PRKCG: variants seen among roughly 807,000 people sequenced by gnomAD.
PRKCG encodes the protein protein kinase C gamma, also known as protein kinase C gamma type.
In PRKCG, 28 loss-of-function variants were observed where a neutral mutation model predicts 82.0. The observed-to-expected ratio is 0.34, with a 90% CI of 0.25 to 0.47. The LOEUF is 0.47. Ranked by LOEUF, PRKCG falls within the 20% of genes least tolerant of loss-of-function variation. PRKCG has a pLI of 1.00. For synonymous variants in PRKCG, 383 were observed against 376.6 expected (o/e 1.02, Z -0.20); for missense variants, 640 against 952.7 (o/e 0.67, Z 4.32).
At position 53,904,618 on chromosome 19, in the gene PRKCG, C is replaced by T. The variant is rs1313990680; in HGVS notation, c.1657-17C>T. On this transcript the variant is annotated splice_polypyrimidine_tract_variant and intron_variant, in intron 15 of 17. Coordinates refer to ENST00000263431, the MANE Select transcript of PRKCG (RefSeq NM_002739.5). Reference sequence around the variant, plus strand: ...GTTGGGCATGTCCCTGACTCTCTATCCCCTCCACTTTGATAGCCTCCCTTC... The same window carrying T: ...GTTGGGCATGTCCCTGACTCTCTATTCCCTCCACTTTGATAGCCTCCCTTC... The T allele has an allele frequency of 6.2e-7, 1 of 1,607,022 alleles. No individual in the cohort carries two copies.
At chr19:53,902,621 G>A (rs1266200411) in intron 14 of PRKCG, among the ~76,000 whole-genome samples, 10 of 151,586 alleles carry the variant, frequency 6.6e-5, no homozygotes, top group East Asian at 2.0e-4. Context: ...GAGGCTGGGC[G>A]TGGTGGCTCA....
Position 53,892,444 on chromosome 19 carries a change from A to G in PRKCG, c.687-65A>G. ...GGGTTTGCCCCCACCTCCAGCACCA[A>G]GGATGGGGAACCGAGGGGAGCCATG... On this transcript the variant is annotated intron_variant, in intron 6 of 17. Coordinates refer to ENST00000263431, the MANE Select transcript of PRKCG (RefSeq NM_002739.5). This position sits in a 1 kb window ranked among gnomAD's most constrained non-coding sequence, Gnocchi z 5.9. 2 of 1,576,032 alleles carry G rather than the reference A, an allele frequency of 1.3e-6. No individual in the cohort carries two copies. Among genetic ancestry groups the G allele is most frequent in the Non-Finnish European group, 8.6e-7 (1 of 1,166,542 alleles).
chr19:53,883,568 T>C lies in PRKCG; in HGVS notation c.202+374T>C, dbSNP rs1453459543. Among the ~76,000 whole-genome samples, 1 of 148,082 alleles carries C rather than the reference T, an allele frequency of 6.8e-6. No individual in the cohort carries two copies. The highest frequency in any genetic ancestry group is 1.5e-5 in the Non-Finnish European group (1 of 67,188). On this transcript the variant is annotated intron_variant, in intron 2 of 17. Transcript: ENST00000263431. The surrounding 1 kb of genome is among the most constrained non-coding windows in gnomAD (Gnocchi z 5.4). ...GTCGCCATGACAACACCAGCCGTCCTAGGCAGGGGCAGGCCGGGTGGGGTC... is the reference window on the plus strand; with the variant it reads ...GTCGCCATGACAACACCAGCCGTCCCAGGCAGGGGCAGGCCGGGTGGGGTC...
rs906251792 is a variant in PRKCG, at chr19:53,890,141, G to A, written c.529+124G>A. ...GGGCCACGCCTCTTTCTATGGTCACGCCCACACTCCTGACCCCACCCCAAA... is the reference window on the plus strand; with the variant it reads ...GGGCCACGCCTCTTTCTATGGTCACACCCACACTCCTGACCCCACCCCAAA... On this transcript the variant is annotated intron_variant, in intron 5 of 17. Coordinates refer to ENST00000263431, the MANE Select transcript of PRKCG (RefSeq NM_002739.5). 2.7e-5 allele frequency: 30 copies of A among 1,106,142 alleles called. No individual in the cohort carries two copies. In the Admixed American group the frequency reaches 5.7e-4, roughly 21 times the overall value. 68.5% of individuals were successfully genotyped at this position (1,106,142 alleles called of 1,614,324 possible). A position where few individuals can be genotyped will look rare whatever the true frequency, so the allele number is the denominator to read the frequency against.
chr19:53,884,946 C>G lies in PRKCG; in HGVS notation c.285+703C>G, dbSNP rs1465450601. On this transcript the variant is annotated intron_variant, in intron 3 of 17. Transcript: ENST00000263431. The surrounding 1 kb of genome is among the most constrained non-coding windows in gnomAD (Gnocchi z 4.6). Reference sequence around the variant, plus strand: ...GAGACACACAGCCTCTCCCCACCCCCTCTCTCTCCATCAGAGGCTCACAAG... The same window carrying G: ...GAGACACACAGCCTCTCCCCACCCCGTCTCTCTCCATCAGAGGCTCACAAG... Among the ~76,000 whole-genome samples, 1 of 152,206 alleles carries G rather than the reference C, an allele frequency of 6.6e-6. No homozygotes were observed. Among genetic ancestry groups the G allele is most frequent in the East Asian group, 1.9e-4 (1 of 5,188 alleles).
chr19:53,882,243 T>C lies in PRKCG; in HGVS notation c.-252T>C. 1.8e-6 allele frequency: 1 copy of C among 543,816 alleles called. No individual in the cohort carries two copies. Among genetic ancestry groups the C allele is most frequent in the South Asian group, 1.8e-5 (1 of 56,146 alleles). 33.7% of individuals were successfully genotyped at this position (543,816 alleles called of 1,614,324 possible). A position where few individuals can be genotyped will look rare whatever the true frequency, so the allele number is the denominator to read the frequency against. ...CTGGAGCTCCCACCGCCGCCGCCCGTGCCTCCGGCTGCCGGCGCCCCTGCC... is the reference window on the plus strand; with the variant it reads ...CTGGAGCTCCCACCGCCGCCGCCCGCGCCTCCGGCTGCCGGCGCCCCTGCC... On this transcript the variant is annotated 5_prime_UTR_variant, in exon 1 of 18. Coordinates refer to ENST00000263431, the MANE Select transcript of PRKCG (RefSeq NM_002739.5). This position sits in a 1 kb window ranked among gnomAD's most constrained non-coding sequence, Gnocchi z 6.1.
At chr19:53,886,572 T>G (rs1292211850) in intron 3 of PRKCG, among the ~76,000 whole-genome samples, 1 of 151,200 alleles carries the variant, frequency 6.6e-6, no homozygotes, top group East Asian at 1.9e-4. Flanking sequence ...CCTAGCTAAT[T>G]AAAAAAAAAT....
Position 53,882,846 on chromosome 19 carries a change from G to C in PRKCG, c.170+182G>C, listed in dbSNP as rs1020155271. On this transcript the variant is annotated intron_variant, in intron 1 of 17. Coordinates refer to ENST00000263431, the MANE Select transcript of PRKCG (RefSeq NM_002739.5). This position sits in a 1 kb window ranked among gnomAD's most constrained non-coding sequence, Gnocchi z 6.1. Reference sequence around the variant, plus strand: ...TCAGTGAGGAGGAGGCTGGTTCCTGGAGTGCTGGGTCCGAGGGAGGAGGAG... The same window carrying C: ...TCAGTGAGGAGGAGGCTGGTTCCTGCAGTGCTGGGTCCGAGGGAGGAGGAG... Among the ~76,000 whole-genome samples the C allele has an allele frequency of 6.6e-6, 1 of 152,116 alleles. No homozygotes were observed. Among genetic ancestry groups the C allele is most frequent in the Non-Finnish European group, 1.5e-5 (1 of 68,020 alleles).
chr19:53,882,441 A>C lies in PRKCG; in HGVS notation c.-54A>C. 6.3e-7 allele frequency: 1 copy of C among 1,584,970 alleles called. No individual in the cohort carries two copies. Among genetic ancestry groups the C allele is most frequent in the Non-Finnish European group, 8.6e-7 (1 of 1,166,048 alleles). On this transcript the variant is annotated 5_prime_UTR_variant, in exon 1 of 18. Transcript: ENST00000263431. This position sits in a 1 kb window ranked among gnomAD's most constrained non-coding sequence, Gnocchi z 6.1. ...CGAGTCTCCAGCTCCTCTCCCTTCC[A>C]CCTGTTTCCCCCAAGAAAGGCAGGA...
At position 53,883,959 on chromosome 19, in the gene PRKCG, G is replaced by T. The variant is rs41275808; in HGVS notation, c.203-202G>T. On this transcript the variant is annotated intron_variant, in intron 2 of 17. Coordinates refer to ENST00000263431, the MANE Select transcript of PRKCG (RefSeq NM_002739.5). The surrounding 1 kb of genome is among the most constrained non-coding windows in gnomAD (Gnocchi z 5.4). ...TCTGCGTCTCTGTTTCTGACTCTGAGCCCATCTCTTGGGTTTCTGTCTCCT... is the reference window on the plus strand; with the variant it reads ...TCTGCGTCTCTGTTTCTGACTCTGATCCCATCTCTTGGGTTTCTGTCTCCT... Among the ~76,000 whole-genome samples the T allele has an allele frequency of 0.023, 3,549 of 152,098 alleles. 73 individuals carry two copies. The highest frequency in any genetic ancestry group is 0.054 in the African/African-American group (2,221 of 41,460).
At chr19:53,904,585 G>T in intron 15 of PRKCG, 50 bp from the exon 16 acceptor site, 1 of 1,543,108 alleles carries the variant, frequency 6.5e-7, no homozygotes, top group Non-Finnish European at 8.9e-7. Flanking sequence ...AAGGTTTGGG[G>T]AAAGGCAGTT....
At chr19:53,894,105 G>T (rs892662913) in intron 9 of PRKCG, among the ~76,000 whole-genome samples, 3 of 150,582 alleles carry the variant, frequency 2.0e-5, no homozygotes, top group African/African-American at 7.3e-5. Flanking sequence ...TCGCTGTGAC[G>T]CCCAGGCTGG....
Position 53,891,724 on chromosome 19 carries a change from C to T in PRKCG, c.580C>T (p.Pro194Ser). Reference sequence around the variant, plus strand: ...TATGGACCCCAATGGTCTCTCTGATCCCTATGTGAAACTGAAGCTCATCCC... The same window carrying T: ...TATGGACCCCAATGGTCTCTCTGATTCCTATGTGAAACTGAAGCTCATCCC... ...IPMDPNGLSD[P>S]YVKLKLIPDP... Residue 194 changes from proline (P) to serine (S), a missense_variant, in exon 6 of 18, where the codon CCC becomes TCC. Physicochemically the swap from Pro to Ser is moderately conservative, Grantham distance 74. Transcript: ENST00000263431. 1 of 1,614,094 alleles carries T rather than the reference C, an allele frequency of 6.2e-7. No individual in the cohort carries two copies.
rs1215874943 is a variant in PRKCG, at chr19:53,884,193, G to A, written c.235G>A (p.Glu79Lys). 1 of 1,614,130 alleles carries A rather than the reference G, an allele frequency of 6.2e-7. No individual in the cohort carries two copies. Among genetic ancestry groups the A allele is most frequent in the Non-Finnish European group, 8.5e-7 (1 of 1,180,040 alleles). Residue 79 changes from glutamate to lysine, a missense_variant, in exon 3 of 18, where the codon GAA becomes AAA. Coordinates refer to ENST00000263431, the MANE Select transcript of PRKCG (RefSeq NM_002739.5). This position sits in a 1 kb window ranked among gnomAD's most constrained non-coding sequence, Gnocchi z 4.6. ...CSFVVHRRCHEFVTFECPGAG... is the reference protein window; with the variant it reads ...CSFVVHRRCHKFVTFECPGAG... The stretch of plus-strand genomic sequence containing the variant: ...CTTTGTGGTTCATCGACGATGCCAC[G>A]AATTTGTGACCTTCGAGTGTCCAGG...
rs780235525 is a variant in PRKCG, at chr19:53,892,749, TGC to T, written c.821+109_821+110del. The T allele has an allele frequency of 1.5e-3, 1,643 of 1,081,272 alleles. 13 individuals carry two copies. The African/African-American group carries it at 0.024, about 16-fold the overall frequency. 67.0% of individuals were successfully genotyped at this position (1,081,272 alleles called of 1,614,324 possible). ...CTGTCCTTCCCTCTGCCTCCCAGCA[TGC>T]GCACACACACACACACACACACACA... On this transcript the variant is annotated intron_variant, in intron 7 of 17. Transcript: ENST00000263431. This position sits in a 1 kb window ranked among gnomAD's most constrained non-coding sequence, Gnocchi z 5.9.
rs1178506735 is a variant in PRKCG at position 53,884,711 on chromosome 19, A to G, written c.285+468A>G. Among the ~76,000 whole-genome samples, 1 of 152,138 alleles carries G rather than the reference A, an allele frequency of 6.6e-6. No individual in the cohort carries two copies. The highest frequency in any genetic ancestry group is 1.5e-5 in the Non-Finnish European group (1 of 68,024). On this transcript the variant is annotated intron_variant, in intron 3 of 17. Transcript: ENST00000263431. This position sits in a 1 kb window ranked among gnomAD's most constrained non-coding sequence, Gnocchi z 4.6. ...AGCAGAGAAAGAACCAGGGAGAAAG[A>G]GAGGAATTTGGAGGCACCAAAAGAT... is the stretch of plus-strand genomic sequence containing the variant.
rs551174609 is a variant in PRKCG, at chr19:53,890,552, C to T, written c.529+535C>T. Among the ~76,000 whole-genome samples the T allele has an allele frequency of 1.3e-3, 199 of 151,974 alleles. 1 individual carries two copies. The highest frequency in any genetic ancestry group is 4.7e-3 in the African/African-American group (193 of 41,466). ...GGATTAACAGGCGTGAGCCACCGCG[C>T]CTGGCCAATGGCTTTCTTTTTTGTT... On this transcript the variant is annotated intron_variant, in intron 5 of 17. Transcript: ENST00000263431.
intron 9 of PRKCG, among the ~76,000 whole-genome samples, chr19:53,895,225 G>A (rs2068709155): frequency 6.6e-6 from 1 of 151,986 alleles, no homozygotes; most frequent in African/African-American, 2.4e-5. Context: ...GATAGACTGG[G>A]CACGATGCCT....
At position 53,898,048 on chromosome 19, in the gene PRKCG, A is replaced by G. The variant is rs367543215; in HGVS notation, c.1029A>G (p.Pro343=). ...DPKRCFFGAS[P]GRLHISDFSF... ...AGCGCTGCTTCTTCGGGGCGAGTCC[A>G]GGACGCCTGCACATCTCCGACTTCA... Residue 343 remains proline (P), a synonymous_variant, in exon 10 of 18, where the codon CCA becomes CCG. Coordinates refer to ENST00000263431, the MANE Select transcript of PRKCG (RefSeq NM_002739.5). 1.2e-5 allele frequency: 19 copies of G among 1,613,924 alleles called. No homozygotes were observed. The African/African-American group carries it at 2.5e-4, about 22-fold the overall frequency.
Sources: allele counts gnomAD v4.1 joint callset (sites outside exome capture counted in the v4.1 genomes callset), GRCh38; gene constraint gnomAD v4.1.1; non-coding constraint Gnocchi (gnomAD v3.1); transcripts MANE v1.5; gene names NCBI Gene and HGNC (gene_info 2026-07-23, HGNC 2026-07-21).